Variants in H2BW1 observed in about 807,000 individuals in gnomAD.
H2BW1 encodes histone H2B type W-T.
Under a neutral mutation model 8.0 loss-of-function variants are expected in H2BW1, and 9 were observed. The observed-to-expected ratio is 1.13, with a 90% CI of 0.68 to 1.97. H2BW1 has a LOEUF of 1.97. Among genes scored for constraint, H2BW1 ranks in the 30% most tolerant of loss-of-function variants. The pLI is 0.00. For missense variants in H2BW1, 137 were observed against 132.0 expected (o/e 1.04, Z -0.19); for synonymous variants, 58 against 54.7 (o/e 1.06, Z -0.26).
chrX:104,012,717 T>A lies in H2BW1; in HGVS notation c.439A>T (p.Lys147Ter), dbSNP rs200273766. The A allele has an allele frequency of 7.5e-5, 91 of 1,210,219 alleles. No individual in the cohort carries two copies. The South Asian group carries it at 1.2e-3, about 16-fold the overall frequency. Reference protein sequence around the residue: ...TSLYAIQQQRK With the variant: ...TSLYAIQQQR The stretch of plus-strand genomic sequence containing the variant: ...TGCTTCTTGTATCAGCGTATTCACT[T>A]TCTCTGTTGCTGTATGGCATACAGT... The change falls in exon 2 of 3, where the codon AAG becomes TAG. Residue 147 changes from lysine (K) to a stop codon, truncating the protein, a stop_gained. Transcript: ENST00000217926. LOFTEE classifies it high-confidence loss of function.
At position 104,013,405 on chromosome X, in the gene H2BW1, G is replaced by A. The variant is rs782108956; in HGVS notation, c.172C>T (p.Arg58Cys). The change falls in exon 1 of 3, where the codon CGC becomes TGC. Residue 58 changes from arginine to cysteine, a missense_variant. Coordinates refer to ENST00000217926, the MANE Select transcript of H2BW1 (RefSeq NM_001002916.5). ...TGGTGAACCTGCTTCAGCACCCGGC[G>A]GAAATAGGTGGCGAAGCTGTCCCCG... is the stretch of plus-strand genomic sequence containing the variant. Reference protein sequence around the residue: ...CRGDSFATYFRRVLKQVHQGL... With the variant: ...CRGDSFATYFCRVLKQVHQGL... 8.2e-6 allele frequency: 10 copies of A among 1,212,345 alleles called. No individual in the cohort carries two copies. The highest frequency in any genetic ancestry group is 7.0e-5 in the South Asian group (4 of 57,028).
In H2BW1 at chrX:104,012,166, C is replaced by T. The variant is rs1310495605; in HGVS notation, c.*22+524G>A. Among the ~76,000 whole-genome samples the T allele has an allele frequency of 3.6e-5, 4 of 112,392 alleles. No homozygotes were observed. In the East Asian group the frequency reaches 8.3e-4, roughly 23 times the overall value. ...TGACTTCTCCTAAAGGCTGACCATC[C>T]TCTGCATAACTTGATGCTAGGGGCA... On this transcript the variant is annotated intron_variant, in intron 2 of 2. Transcript: ENST00000217926.
intron 2 of H2BW1, among the ~76,000 whole-genome samples, chrX:104,012,291 C>T (rs1401396931): frequency 4.5e-5 from 5 of 111,537 alleles, no homozygotes; most frequent in Non-Finnish European, 7.5e-5. Flanking sequence ...ACAACCCTGT[C>T]CCCCCAAACA....
rs368442358 is a variant in H2BW1 at position 104,013,431 on chromosome X, C to A, written c.146G>T (p.Arg49Leu). ...HGPRRCHSNC[R>L]GDSFATYFRR... ...GAAATAGGTGGCGAAGCTGTCCCCG[C>A]GGCAGTTGGAGTGGCACCTGCGGGG... The change falls in exon 1 of 3, where the codon CGC (arginine) becomes CTC (leucine). Residue 49 changes from arginine (R) to leucine (L), a missense_variant. Transcript: ENST00000217926. 19 of 1,210,929 alleles carry A rather than the reference C, an allele frequency of 1.6e-5. No homozygotes were observed. The highest frequency in any genetic ancestry group is 1.4e-4 in the South Asian group (8 of 56,879).
chrX:104,013,098 G>T lies in H2BW1; in HGVS notation c.407+72C>A. 6 of 1,135,298 alleles carry T rather than the reference G, an allele frequency of 5.3e-6. No individual in the cohort carries two copies. The South Asian group carries it at 1.3e-4, about 24-fold the overall frequency. 93.6% of individuals were successfully genotyped at this position (1,135,298 alleles called of 1,213,427 possible). On this transcript the variant is annotated intron_variant, in intron 1 of 2. Coordinates refer to ENST00000217926, the MANE Select transcript of H2BW1 (RefSeq NM_001002916.5). ...CTGGTCTTTCAGGCCACATTCAGTGGCTCTGAAAAGACCCTTTGGGTTCCC... is the reference window on the plus strand; with the variant it reads ...CTGGTCTTTCAGGCCACATTCAGTGTCTCTGAAAAGACCCTTTGGGTTCCC...
At position 104,012,700 on chromosome X, in the gene H2BW1, G is replaced by C; in HGVS notation, c.*12C>G. 1 of 1,211,514 alleles carries C rather than the reference G, an allele frequency of 8.3e-7. No individual in the cohort carries two copies. The highest frequency in any genetic ancestry group is 1.1e-6 in the Non-Finnish European group (1 of 895,467). ...ATTTAGGAGGGTTACCTTGCTTCTT[G>C]TATCAGCGTATTCACTTTCTCTGTT... On this transcript the variant is annotated 3_prime_UTR_variant, in exon 2 of 3. Transcript: ENST00000217926.
intron 2 of H2BW1, 142 bp downstream of exon 2, chrX:104,012,548 T>G: frequency 1.6e-5 from 15 of 923,043 alleles, no homozygotes; most frequent in Non-Finnish European, 2.1e-5. Context: ...ACTGCAATAG[T>G]GATCTCAGAG....
At position 104,013,464 on chromosome X, in the gene H2BW1, C is replaced by CTTCCTCT; in HGVS notation, c.112_113insAGAGGAA (p.Arg38GlnfsTer49). ...GGAGTGGCACCTGCGGGGCCCATGG[C>CTTCCTCT]GCCCTCGCTTCCTCTGCTTGCTCTG... On this transcript the variant is annotated frameshift_variant, in exon 1 of 3. Coordinates refer to ENST00000217926, the MANE Select transcript of H2BW1 (RefSeq NM_001002916.5). LOFTEE classifies it high-confidence loss of function. 6.6e-6 allele frequency: 8 copies of CTTCCTCT among 1,211,930 alleles called. No homozygotes were observed. The highest frequency in any genetic ancestry group is 8.9e-6 in the Non-Finnish European group (8 of 895,514).
rs144407295 is a variant in H2BW1 at position 104,013,285 on chromosome X, G to C, written c.292C>G (p.Arg98Gly). ...GTGATGGTCTGGCGCTTGGTGGAGC[G>C]GGCCAGGTGACCAGCCTCGGTGGCG... ...RIATEAGHLARSTKRQTITAW... is the reference protein window; with the variant it reads ...RIATEAGHLAGSTKRQTITAW... The change falls in exon 1 of 3, where the codon CGC becomes GGC. Residue 98 changes from arginine to glycine, a missense_variant. By Grantham distance (125) the Arg-to-Gly change is moderately radical. Transcript: ENST00000217926. The C allele has an allele frequency of 2.4e-5, 29 of 1,210,547 alleles. No homozygotes were observed. Among genetic ancestry groups the C allele is most frequent in the Non-Finnish European group, 3.1e-5 (28 of 895,377 alleles).
chrX:104,011,367 C>A lies in H2BW1; in HGVS notation c.*119G>T, dbSNP rs782084616. The A allele has an allele frequency of 1.8e-5, 2 of 112,318 alleles. No homozygotes were observed. Among genetic ancestry groups the A allele is most frequent in the East Asian group, 5.5e-4 (2 of 3,607 alleles). 9.3% of individuals were successfully genotyped at this position (112,318 alleles called of 1,213,427 possible). A position where few individuals can be genotyped will look rare whatever the true frequency, so the allele number is the denominator to read the frequency against. On this transcript the variant is annotated 3_prime_UTR_variant, in exon 3 of 3. Coordinates refer to ENST00000217926, the MANE Select transcript of H2BW1 (RefSeq NM_001002916.5). ...GGTCACCTGGCGGCACCGTCCAGAG[C>A]GATTTAGTTGTGGCTGATTTCGTGG... is the stretch of plus-strand genomic sequence containing the variant.
chrX:104,013,654 G>A lies in H2BW1; in HGVS notation c.-78C>T, dbSNP rs199724832. On this transcript the variant is annotated 5_prime_UTR_variant, in exon 1 of 3. Coordinates refer to ENST00000217926, the MANE Select transcript of H2BW1 (RefSeq NM_001002916.5). The stretch of plus-strand genomic sequence containing the variant: ...CGGGGAAGCCGGGGCACTTCGGTAC[G>A]CAGCATGGCTCCACGTCTCGGGCCA... The A allele has an allele frequency of 7.3e-5, 88 of 1,198,934 alleles. No individual in the cohort carries two copies. In the East Asian group the frequency reaches 2.1e-3, roughly 28 times the overall value.
rs185792084 is a variant in H2BW1, at chrX:104,012,747, T to C, written c.409A>G (p.Thr137Ala). ...ESEGTKAVLR[T>A]SLYAIQQQRK ...TGTTGCTGTATGGCATACAGTGAAG[T>C]TCTGGAAAATTCCACCATCCAGTCA... Residue 137 changes from threonine (T) to alanine (A), a missense_variant and splice_region_variant, in exon 2 of 3, where the codon ACT becomes GCT. Coordinates refer to ENST00000217926, the MANE Select transcript of H2BW1 (RefSeq NM_001002916.5). 84 of 1,210,202 alleles carry C rather than the reference T, an allele frequency of 6.9e-5. No individual in the cohort carries two copies. The highest frequency in any genetic ancestry group is 9.3e-5 in the Non-Finnish European group (83 of 895,296).
At chrX:104,012,452 A>C (rs1444492892) in intron 2 of H2BW1, among the ~76,000 whole-genome samples, 1 of 112,459 alleles carries the variant, frequency 8.9e-6, no homozygotes, top group Non-Finnish European at 1.9e-5. Flanking sequence ...GACACTCCCT[A>C]AGCCTACTGA....
rs553509 is a variant in H2BW1, at chrX:104,013,293, T to C, written c.284A>G (p.His95Arg). Residue 95 changes from histidine to arginine, a missense_variant, in exon 1 of 3, where the codon CAC (histidine) becomes CGC (arginine). Physicochemically the swap from His to Arg is conservative, Grantham distance 29. Coordinates refer to ENST00000217926, the MANE Select transcript of H2BW1 (RefSeq NM_001002916.5). ...CTGGCGCTTGGTGGAGCGGGCCAGG[T>C]GACCAGCCTCGGTGGCGATGCGGTC... ...ILDRIATEAG[H>R]LARSTKRQTI... 435,243 of 1,209,001 alleles carry C rather than the reference T, an allele frequency of 0.36. 55,000 individuals carry two copies. The highest frequency in any genetic ancestry group is 0.65 in the Admixed American group (29,690 of 45,794).
At chrX:104,011,921 G>A (rs1183452749) in intron 2 of H2BW1, among the ~76,000 whole-genome samples, 1 of 111,378 alleles carries the variant, frequency 9.0e-6, no homozygotes, top group Non-Finnish European at 1.9e-5. Context: ...CAATCCCAGA[G>A]TATGTTCTCT....
At position 104,012,731 on chromosome X, in the gene H2BW1, A is replaced by G. The variant is rs2075129576; in HGVS notation, c.425T>C (p.Ile142Thr). The G allele has an allele frequency of 8.3e-7, 1 of 1,211,742 alleles. No individual in the cohort carries two copies. The highest frequency in any genetic ancestry group is 1.1e-6 in the Non-Finnish European group (1 of 895,432). Reference protein sequence around the residue: ...KAVLRTSLYAIQQQRK With the variant: ...KAVLRTSLYATQQQRK ...GCGTATTCACTTTCTCTGTTGCTGT[A>G]TGGCATACAGTGAAGTTCTGGAAAA... The change falls in exon 2 of 3, where the codon ATA becomes ACA. Residue 142 changes from isoleucine (I) to threonine (T), a missense_variant. By Grantham distance (89) the Ile-to-Thr change is moderately conservative (BLOSUM62 -1). Coordinates refer to ENST00000217926, the MANE Select transcript of H2BW1 (RefSeq NM_001002916.5).
chrX:104,013,624 T>C lies in H2BW1; in HGVS notation c.-48A>G. 1 of 1,208,724 alleles carries C rather than the reference T, an allele frequency of 8.3e-7. No individual in the cohort carries two copies. On this transcript the variant is annotated 5_prime_UTR_variant, in exon 1 of 3. Coordinates refer to ENST00000217926, the MANE Select transcript of H2BW1 (RefSeq NM_001002916.5). ...TGGCACGACCAGACAATGGCGGTTG[T>C]GGACCGGGGAAGCCGGGGCACTTCG...
rs782172857 is a variant in H2BW1, at chrX:104,013,177, C to G, written c.400G>C (p.Val134Leu). The G allele has an allele frequency of 1.2e-5, 14 of 1,201,163 alleles. No homozygotes were observed. Among genetic ancestry groups the G allele is most frequent in the African/African-American group, 5.2e-5 (3 of 57,259 alleles). Residue 134 changes from valine (V) to leucine (L), a missense_variant, in exon 1 of 3, where the codon GTC (valine) becomes CTC (leucine). By Grantham distance (32) the Val-to-Leu change is conservative. Transcript: ENST00000217926. ...KLAESEGTKA[V>L]LRTSLYAIQQ... ...CACTTGCTCCTGGTGTACCTGAGGACAGCCTTCGTGCCTTCGGACTCGGCG... is the reference window on the plus strand; with the variant it reads ...CACTTGCTCCTGGTGTACCTGAGGAGAGCCTTCGTGCCTTCGGACTCGGCG...
In H2BW1 at chrX:104,013,653, C is replaced by G. The variant is rs372943452; in HGVS notation, c.-77G>C. 1.7e-5 allele frequency: 20 copies of G among 1,198,419 alleles called. No individual in the cohort carries two copies. The highest frequency in any genetic ancestry group is 5.5e-5 in the South Asian group (3 of 54,856). On this transcript the variant is annotated 5_prime_UTR_variant, in exon 1 of 3. Coordinates refer to ENST00000217926, the MANE Select transcript of H2BW1 (RefSeq NM_001002916.5). The stretch of plus-strand genomic sequence containing the variant: ...CCGGGGAAGCCGGGGCACTTCGGTA[C>G]GCAGCATGGCTCCACGTCTCGGGCC...
Sources: allele counts gnomAD v4.1 joint callset (sites outside exome capture counted in the v4.1 genomes callset), GRCh38; gene constraint gnomAD v4.1.1; transcripts MANE v1.5; gene names NCBI Gene and HGNC (gene_info 2026-07-23, HGNC 2026-07-21).